The following PLEKHH1 variants were observed in gnomAD, a reference collection of about 807,000 sequenced individuals.
PLEKHH1 encodes the protein pleckstrin homology domain-containing family H member 1.
Under a neutral mutation model 160.0 loss-of-function variants are expected in PLEKHH1, and 104 were observed. The observed-to-expected ratio is 0.65, with a 90% CI of 0.55 to 0.76. The LOEUF is 0.76. Among genes scored for constraint, PLEKHH1 ranks in the 30% least tolerant of loss-of-function variants. The pLI is 0.00. For synonymous variants in PLEKHH1, 619 were observed against 678.4 expected (o/e 0.91, Z 1.36); for missense variants, 1,427 against 1,724.1 (o/e 0.83, Z 3.05).
chr14:67,585,901 C>A (rs758441220), intron 27 of PLEKHH1, 50 bp from the exon 28 acceptor site: 1 of 1,570,160 alleles, frequency 6.4e-7, no homozygotes, highest in Non-Finnish European at 8.6e-7. Flanking sequence ...GTTCCTAGCT[C>A]AGGGGACAGG....
intron 7 of PLEKHH1, among the ~76,000 whole-genome samples, chr14:67,563,812 C>A (rs1875505845): frequency 6.8e-6 from 1 of 146,800 alleles, no homozygotes; most frequent in Admixed American, 6.9e-5. Flanking sequence ...CGGCTCACTG[C>A]AACCTCCGCC....
In PLEKHH1 at chr14:67,572,194, T is replaced by C. The variant is rs1416589556; in HGVS notation, c.1645T>C (p.Ser549Pro). The C allele has an allele frequency of 6.2e-7, 1 of 1,608,864 alleles. No homozygotes were observed. Among genetic ancestry groups the C allele is most frequent in the East Asian group, 2.2e-5 (1 of 44,670 alleles). The part of the protein sequence containing the change: ...GDYAIPPDAC[S>P]LDSDYSEPEH... Reference sequence around the variant, plus strand: ...CTACGCCATCCCCCCGGACGCCTGCTCACTGGACAGTGACTACTCAGAGCC... The same window carrying C: ...CTACGCCATCCCCCCGGACGCCTGCCCACTGGACAGTGACTACTCAGAGCC... Residue 549 changes from serine to proline, a missense_variant, in exon 11 of 29, where the codon TCA (serine) becomes CCA (proline). Physicochemically the swap from Ser to Pro is moderately conservative, Grantham distance 74. Coordinates refer to ENST00000329153, the MANE Select transcript of PLEKHH1 (RefSeq NM_020715.3).
rs965005570 is a variant in PLEKHH1 at position 67,555,876 on chromosome 14, G to A, written c.178G>A (p.Ala60Thr). ...GGAGGCAGAGCAGAGAGCAGAGAAC[G>A]CTGAGACCCAGGTAACCAGGGGAGG... ...LLEAEQRAEN[A>T]ETQVGVMEEK... is the part of the protein sequence containing the mutation. Residue 60 changes from alanine to threonine, a missense_variant, in exon 3 of 29, where the codon GCT becomes ACT. By Grantham distance (58) the Ala-to-Thr change is moderately conservative. Transcript: ENST00000329153. 11 of 1,613,390 alleles carry A rather than the reference G, an allele frequency of 6.8e-6. No individual in the cohort carries two copies. Among genetic ancestry groups the A allele is most frequent in the African/African-American group, 1.3e-5 (1 of 74,934 alleles).
chr14:67,544,195 C>G lies in PLEKHH1; in HGVS notation c.126+2202C>G, dbSNP rs370726893. On this transcript the variant is annotated intron_variant, in intron 2 of 28. Transcript: ENST00000329153. ...TAGACAAGGAAAGGAAAATCATTCA[C>G]TGGCACAGGAGATGACAATAGCTTC... 5.9e-5 allele frequency among the ~76,000 whole-genome samples: 9 copies of G among 152,310 alleles called. 1 individual carries two copies. Among genetic ancestry groups the G allele is most frequent in the African/African-American group, 2.2e-4 (9 of 41,564 alleles).
rs1285275446 is a variant in PLEKHH1 at position 67,582,566 on chromosome 14, G to A, written c.3426+356G>A. ...GGGAGCAGTGGCTCATGCCTGTAAT[G>A]TCAGCACTTTGCGAGGCCGAGGCGG... On this transcript the variant is annotated intron_variant, in intron 24 of 28. Coordinates refer to ENST00000329153, the MANE Select transcript of PLEKHH1 (RefSeq NM_020715.3). This position sits in a 1 kb window ranked among gnomAD's most constrained non-coding sequence, Gnocchi z 5.0. 1.3e-5 allele frequency among the ~76,000 whole-genome samples: 2 copies of A among 152,156 alleles called. No homozygotes were observed. Among genetic ancestry groups the A allele is most frequent in the East Asian group, 3.9e-4 (2 of 5,194 alleles).
At chr14:67,584,225 C>A in intron 26 of PLEKHH1, 101 bp downstream of exon 26, 1 of 1,183,110 alleles carries the variant, frequency 8.5e-7, no homozygotes, top group Non-Finnish European at 1.2e-6. Context: ...ATACCAGTAA[C>A]CACCAGAGGT....
intron 28 of PLEKHH1, chr14:67,586,492 A>G (rs1470840853): frequency 1.9e-6 from 2 of 1,029,466 alleles, no homozygotes; most frequent in Non-Finnish European, 2.7e-6. Context: ...TGCTGACCCA[A>G]CATTAGCTAC....
chr14:67,542,622 G>T (rs1455035270), intron 2 of PLEKHH1, among the ~76,000 whole-genome samples: 1 of 152,196 alleles, frequency 6.6e-6, no homozygotes, highest in Non-Finnish European at 1.5e-5. Context: ...GTTTGGGTGG[G>T]CTGGTCTGGG....
Position 67,554,135 on chromosome 14 carries a change from G to A in PLEKHH1, c.127-1690G>A, listed in dbSNP as rs1197259939. Among the ~76,000 whole-genome samples, 6 of 152,292 alleles carry A rather than the reference G, an allele frequency of 3.9e-5. No individual in the cohort carries two copies. In the East Asian group the frequency reaches 7.7e-4, roughly 20 times the overall value. ...TCCCAGAAAGGAGAAAAAAATGGAT[G>A]AGGGAAGGCCACCCTGAGCAAAGAG... On this transcript the variant is annotated intron_variant, in intron 2 of 28. Transcript: ENST00000329153.
At chr14:67,571,336 C>G (rs987463069) in intron 9 of PLEKHH1, 1 of 176,404 alleles carries the variant, frequency 5.7e-6, no homozygotes, top group Non-Finnish European at 1.2e-5. Context: ...CCCATACTCT[C>G]ACCAACACTG....
At chr14:67,557,461 T>A (rs937651037) in intron 4 of PLEKHH1, 43 bp downstream of exon 4, 2 of 1,587,026 alleles carry the variant, frequency 1.3e-6, no homozygotes, top group Non-Finnish European at 1.7e-6. Context: ...CTCTTCGACA[T>A]CTGTACTGCT....
In PLEKHH1 at chr14:67,562,476, G is replaced by A. The variant is rs1369958807; in HGVS notation, c.845G>A (p.Trp282Ter). ...LLTFRCSSAS[W>*]GEGLVTAQRG... Reference sequence around the variant, plus strand: ...ACCTTCAGATGTAGTTCAGCTTCCTGGGGTGAGGGTCTGGTTACTGCTCAG... The same window carrying A: ...ACCTTCAGATGTAGTTCAGCTTCCTAGGGTGAGGGTCTGGTTACTGCTCAG... Residue 282 changes from tryptophan to a stop codon, truncating the protein, a stop_gained, in exon 7 of 29, where the codon TGG (tryptophan) becomes TAG (stop). Transcript: ENST00000329153. LOFTEE classifies it high-confidence loss of function. 1 of 1,613,684 alleles carries A rather than the reference G, an allele frequency of 6.2e-7. No individual in the cohort carries two copies. The highest frequency in any genetic ancestry group is 8.5e-7 in the Non-Finnish European group (1 of 1,179,614).
chr14:67,545,368 GAGAA>G (rs1249796132), intron 2 of PLEKHH1, among the ~76,000 whole-genome samples: 34 of 152,166 alleles, frequency 2.2e-4, no homozygotes, highest in African/African-American at 7.7e-4. Context: ...CTATTTATAT[GAGAA>G]AGAAAGAGAG....
intron 28 of PLEKHH1, chr14:67,586,834 C>T: frequency 1.3e-6 from 2 of 1,483,654 alleles, no homozygotes; most frequent in Non-Finnish European, 1.8e-6. Flanking sequence ...GAACACTGGG[C>T]CTCCTTTTCT....
chr14:67,573,401 G>T lies in PLEKHH1; in HGVS notation c.1839+15G>T. On this transcript the variant is annotated intron_variant, in intron 12 of 28. Transcript: ENST00000329153. This position sits in a 1 kb window ranked among gnomAD's most constrained non-coding sequence, Gnocchi z 4.8. ...ACAAGTCCCCGGTGAGAGTCTCCCC[G>T]CCCAGCACTGCAGTCAAAAGGTCTC... 7.0e-7 allele frequency: 1 copy of T among 1,425,680 alleles called. No homozygotes were observed. The highest frequency in any genetic ancestry group is 9.9e-7 in the Non-Finnish European group (1 of 1,008,418). 88.3% of individuals were successfully genotyped at this position (1,425,680 alleles called of 1,614,324 possible). A position where few individuals can be genotyped will look rare whatever the true frequency, so the allele number is the denominator to read the frequency against.
chr14:67,580,172 C>T (rs2035826018), intron 22 of PLEKHH1: 2 of 296,136 alleles, frequency 6.8e-6, no homozygotes, highest in East Asian at 1.6e-4. Flanking sequence ...ACAGTGAGGC[C>T]CCACGAAGCC....
rs1474794945 is a variant in PLEKHH1, at chr14:67,579,184, C to A, written c.2900C>A (p.Thr967Asn). 2 of 1,609,592 alleles carry A rather than the reference C, an allele frequency of 1.2e-6. No individual in the cohort carries two copies. ...TACTGCCAGCGGGCAGTGGAGCGGA[C>A]CCTGCGGACCGGGGAGCGGGAAGCC... is the stretch of plus-strand genomic sequence containing the variant. ...ATYCQRAVER[T>N]LRTGEREARP... is the part of the protein sequence containing the mutation. The change falls in exon 21 of 29, where the codon ACC becomes AAC. Residue 967 changes from threonine to asparagine, a missense_variant. Coordinates refer to ENST00000329153, the MANE Select transcript of PLEKHH1 (RefSeq NM_020715.3).
intron 2 of PLEKHH1, among the ~76,000 whole-genome samples, chr14:67,547,562 C>T (rs1376522253): frequency 2.0e-5 from 3 of 152,166 alleles, no homozygotes; most frequent in Non-Finnish European, 2.9e-5. Context: ...CACCCATCTG[C>T]TCCCCTACCT....
intron 2 of PLEKHH1, among the ~76,000 whole-genome samples, chr14:67,553,700 C>T (rs868152260): frequency 2.0e-5 from 3 of 152,340 alleles, no homozygotes; most frequent in Middle Eastern, 6.8e-3. Flanking sequence ...GCAACCACCC[C>T]TATAAACATA....
Sources: allele counts gnomAD v4.1 joint callset (sites outside exome capture counted in the v4.1 genomes callset), GRCh38; gene constraint gnomAD v4.1.1; non-coding constraint Gnocchi (gnomAD v3.1); transcripts MANE v1.5; gene names NCBI Gene and HGNC (gene_info 2026-07-23, HGNC 2026-07-21).